Variants in UNC5C observed in about 807,000 individuals in gnomAD.
UNC5C encodes the protein netrin receptor UNC5C.
In UNC5C, 47 loss-of-function variants were observed where a neutral mutation model predicts 99.8. The ratio of observed to expected loss-of-function variants is 0.47; its 90% CI spans 0.37 to 0.60. The LOEUF is 0.60. Among genes scored for constraint, UNC5C ranks in the 20% least tolerant of loss-of-function variants. The probability of loss-of-function intolerance (pLI) is 0.00; values close to 1 mark genes in which losing one functional copy is unlikely to be tolerated. For synonymous variants in UNC5C, 487 were observed against 452.2 expected, an observed-to-expected ratio of 1.08 and a Z score of -0.98; for missense variants, 1,062 against 1,165.9, an observed-to-expected ratio of 0.91 and a Z score of 1.30.
chr4:95,245,416 T>C (rs554511145), intron 5 of UNC5C, among the ~76,000 whole-genome samples: 1 of 152,302 alleles, frequency 6.6e-6, no homozygotes, highest in East Asian at 1.9e-4. Flanking sequence ...TTGGCCAGTG[T>C]TCTTAAAAAA....
In UNC5C at chr4:95,361,964, C is replaced by A. The variant is rs1275575546; in HGVS notation, c.125-26333G>T. 9.6e-5 allele frequency among the ~76,000 whole-genome samples: 14 copies of A among 146,572 alleles called. No individual in the cohort carries two copies. In the South Asian group the frequency reaches 2.8e-3, roughly 29 times the overall value. On this transcript the variant is annotated intron_variant, in intron 1 of 15. Transcript: ENST00000453304. ...ATATAAAAAACAGATTATCTATTAT[C>A]TATTATATATATATATATCTTACTT... is the stretch of plus-strand genomic sequence containing the variant.
At chr4:95,372,538 CTTATTG>C (rs1292694232) in intron 1 of UNC5C, among the ~76,000 whole-genome samples, 1 of 152,118 alleles carries the variant, frequency 6.6e-6, no homozygotes, top group Non-Finnish European at 1.5e-5. Context: ...AATTCTTCCT[CTTATTG>C]TTATTCCATA....
At chr4:95,356,226 A>AAAAAAAAAAAAAAAAAAAAAAAAAAAAC (rs1371053400) in intron 1 of UNC5C, among the ~76,000 whole-genome samples, 1 of 144,714 alleles carries the variant, frequency 6.9e-6, no homozygotes, top group Non-Finnish European at 1.5e-5. Flanking sequence ...AACAAAAAAA[A>AAAAAAAAAAAAAAAAAAAAAAAAAAAAC]AACAGATTCC....
At chr4:95,263,062 G>T (rs1271701825) in intron 4 of UNC5C, among the ~76,000 whole-genome samples, 4 of 152,096 alleles carry the variant, frequency 2.6e-5, no homozygotes, top group Admixed American at 6.5e-5. Context: ...TGATCCACCT[G>T]CCTCGGCCTC....
intron 1 of UNC5C, among the ~76,000 whole-genome samples, chr4:95,393,863 TAAA>T (rs36105351): frequency 8.2e-5 from 12 of 146,332 alleles, no homozygotes; most frequent in South Asian, 6.6e-4. Flanking sequence ...TTTTTTTTTT[TAAA>T]AAAAAACAGA....
chr4:95,259,089 C>T (rs1388571441), intron 4 of UNC5C, among the ~76,000 whole-genome samples: 1 of 152,080 alleles, frequency 6.6e-6, no homozygotes, highest in Non-Finnish European at 1.5e-5. Context: ...GGAGCAGTTC[C>T]TAAAGTACCA....
intron 1 of UNC5C, among the ~76,000 whole-genome samples, chr4:95,482,621 A>T (rs1379848864): frequency 6.8e-6 from 1 of 147,100 alleles, no homozygotes; most frequent in Non-Finnish European, 1.5e-5. Flanking sequence ...AATGTCCAAC[A>T]ATGATAGACT....
At chr4:95,380,326 C>T (rs1461193997) in intron 1 of UNC5C, among the ~76,000 whole-genome samples, 3 of 152,068 alleles carry the variant, frequency 2.0e-5, no homozygotes, top group African/African-American at 7.2e-5. Flanking sequence ...CATTTTGTCT[C>T]ATTAACATGG....
Position 95,219,161 on chromosome 4 carries a change from A to C in UNC5C, c.1453T>G (p.Ser485Ala). ...PNLKIKVYNT[S>A]GAVTPQDDLS... is the part of the protein sequence containing the mutation. Reference sequence around the variant, plus strand: ...TCATCTTGGGGGGTGACAGCACCTGAGGTGTTGTACACTTTGATTTTCAGG... The same window carrying C: ...TCATCTTGGGGGGTGACAGCACCTGCGGTGTTGTACACTTTGATTTTCAGG... The change falls in exon 9 of 16, where the codon TCA becomes GCA. Residue 485 changes from serine (S) to alanine (A), a missense_variant. Coordinates refer to ENST00000453304, the MANE Select transcript of UNC5C (RefSeq NM_003728.4). The C allele has an allele frequency of 4.3e-6, 7 of 1,614,088 alleles. No homozygotes were observed. Among genetic ancestry groups the C allele is most frequent in the Non-Finnish European group, 5.9e-6 (7 of 1,180,014 alleles).
At chr4:95,174,874 G>A (rs923983492) in intron 14 of UNC5C, among the ~76,000 whole-genome samples, 165 of 150,036 alleles carry the variant, frequency 1.1e-3, no homozygotes, top group African/African-American at 3.9e-3. Context: ...ATGTGTGGGA[G>A]TCTAAGTCTC....
chr4:95,167,497 G>C lies in UNC5C; in HGVS notation c.*1737C>G, dbSNP rs936217942. 6.6e-6 allele frequency: 1 copy of C among 152,180 alleles called. No homozygotes were observed. 9.4% of individuals were successfully genotyped at this position (152,180 alleles called of 1,614,324 possible). On this transcript the variant is annotated 3_prime_UTR_variant, in exon 16 of 16. Coordinates refer to ENST00000453304, the MANE Select transcript of UNC5C (RefSeq NM_003728.4). ...GCAAAGAAAGATTAAGGGTGGGGGG[G>C]TGTAGCGTAGAAAAAAATGCACCAA...
intron 1 of UNC5C, among the ~76,000 whole-genome samples, chr4:95,455,434 T>G (rs1747400164): frequency 6.6e-6 from 1 of 152,038 alleles, no homozygotes; most frequent in Non-Finnish European, 1.5e-5. Flanking sequence ...TTTGGGAGGT[T>G]GAGGCAGGAG....
intron 1 of UNC5C, among the ~76,000 whole-genome samples, chr4:95,427,859 C>T (rs1352457311): frequency 1.3e-5 from 2 of 151,970 alleles, no homozygotes; most frequent in African/African-American, 4.8e-5. Context: ...TTATATTTTC[C>T]CACATCTGTC....
chr4:95,422,832 T>C (rs903268690), intron 1 of UNC5C, among the ~76,000 whole-genome samples: 1 of 152,198 alleles, frequency 6.6e-6, no homozygotes, highest in African/African-American at 2.4e-5. Context: ...TGCACACACA[T>C]GTGTGGTTAT....
chr4:95,347,205 G>T (rs13108117), intron 1 of UNC5C, among the ~76,000 whole-genome samples: 2 of 151,736 alleles, frequency 1.3e-5, no homozygotes, highest in African/African-American at 4.8e-5. Context: ...ATTAATTAAA[G>T]AAGTGAAATA....
At chr4:95,357,248 C>T (rs1744239757) in intron 1 of UNC5C, among the ~76,000 whole-genome samples, 1 of 151,790 alleles carries the variant, frequency 6.6e-6, no homozygotes, top group Admixed American at 6.6e-5. Flanking sequence ...GTGATTCTCC[C>T]ACCTCAGCCT....
chr4:95,357,629 A>T (rs532477954), intron 1 of UNC5C, among the ~76,000 whole-genome samples: 55 of 152,106 alleles, frequency 3.6e-4, no homozygotes, highest in African/African-American at 1.3e-3. Context: ...ACAAAAAATT[A>T]AAAAAAGGAA....
Position 95,183,061 on chromosome 4 carries a change from C to G in UNC5C, c.2287G>C (p.Glu763Gln), listed in dbSNP as rs769110355. 4 of 1,603,160 alleles carry G rather than the reference C, an allele frequency of 2.5e-6. No homozygotes were observed. The highest frequency in any genetic ancestry group is 8.5e-7 in the Non-Finnish European group (1 of 1,171,594). The change falls in exon 14 of 16, where the codon GAA becomes CAA. Residue 763 changes from glutamate to glutamine, a missense_variant and splice_region_variant. Glu to Gln is a conservative substitution (Grantham distance 29, BLOSUM62 2). This residue lies in a region of UNC5C where 810 missense variants were observed against 854.5 expected (regional missense o/e 0.95). Transcript: ENST00000453304. ...WKSKLLAKYQ[E>Q]IPFYHVWSGS... ...CTCCAAACATGGTAAAATGGAATTT[C>G]CTAAAGGATATGAAAGTGTTAACCA...
chr4:95,276,590 G>A (rs1740869506), intron 4 of UNC5C, among the ~76,000 whole-genome samples: 1 of 152,076 alleles, frequency 6.6e-6, no homozygotes, highest in South Asian at 2.1e-4. Flanking sequence ...GATCTGTTTT[G>A]GGTTTTAAGG....
Sources: gnomAD v4.1 joint callset for allele counts (sites outside exome capture counted in the v4.1 genomes callset) on GRCh38, gnomAD v4.1.1 for gene constraint, gnomAD v4.1.1 regional missense constraint, MANE v1.5 for transcripts, NCBI Gene and HGNC (gene_info 2026-07-23, HGNC 2026-07-21) for gene names.